Variants in CHD2 observed in about 807,000 individuals in gnomAD.
The protein encoded by CHD2 is chromodomain helicase DNA binding protein 2.
CHD2 carries 28 observed loss-of-function variants against 243.9 expected under a neutral mutation model. That is an observed-to-expected ratio of 0.11 (90% CI 0.09 to 0.16). The LOEUF (loss-of-function observed/expected upper bound fraction) is 0.16, where lower values mean the gene tolerates loss of function less well. Ranked by LOEUF, CHD2 falls within the 10% of genes least tolerant of loss-of-function variation. The pLI is 1.00. For missense variants in CHD2, 1,386 were observed against 2,209.8 expected, an observed-to-expected ratio of 0.63 and a Z score of 7.47; for synonymous variants, 775 against 779.0, an observed-to-expected ratio of 0.99 and a Z score of 0.09.
intron 9 of CHD2, chr15:92,943,996 T>C (rs1402057657): frequency 6.6e-6 from 1 of 152,312 alleles, no homozygotes; most frequent in Non-Finnish European, 1.5e-5. Flanking sequence ...ATCTGAAAGG[T>C]TTTGGTAATA....
chr15:92,911,928 G>A (rs1465888878), intron 2 of CHD2, among the ~76,000 whole-genome samples: 4 of 152,198 alleles, frequency 2.6e-5, no homozygotes, highest in Non-Finnish European at 4.4e-5. Context: ...ACATTCTGCT[G>A]TTCAAAAGGC....
intron 7 of CHD2, among the ~76,000 whole-genome samples, chr15:92,940,974 TAA>T (rs1354945796): frequency 2.0e-3 from 248 of 127,024 alleles, no homozygotes; most frequent in African/African-American, 4.9e-3. Flanking sequence ...AATATAAATA[TAA>T]ATATAAATAT....
chr15:93,006,599 G>A (rs2054325282), intron 34 of CHD2, among the ~76,000 whole-genome samples: 1 of 152,142 alleles, frequency 6.6e-6, no homozygotes, highest in Admixed American at 6.5e-5. Flanking sequence ...ACTCCTGTGA[G>A]GTACGTTAGT....
At chr15:92,974,732 C>T (rs577611959) in intron 19 of CHD2, 147 bp from the exon 20 acceptor site, 1 of 645,750 alleles carries the variant, frequency 1.5e-6, no homozygotes, top group African/African-American at 1.8e-5. Context: ...GCTTCTTAAG[C>T]ACAGCTTCTT....
intron 2 of CHD2, among the ~76,000 whole-genome samples, chr15:92,903,843 C>T (rs1165498020): frequency 1.3e-5 from 2 of 152,126 alleles, no homozygotes; most frequent in Non-Finnish European, 2.9e-5. Flanking sequence ...TGCCTTTGAG[C>T]CAGATTTATT....
Position 92,953,453 on chromosome 15 carries a change from T to C in CHD2, c.1599T>C (p.Tyr533=), listed in dbSNP as rs376525262. ...LSYLFHQHQL[Y]GPFLIVVPLS... is the part of the protein sequence containing the mutation. The stretch of plus-strand genomic sequence containing the variant: ...ACCTGTTCCACCAACACCAGCTGTA[T>C]GGCCCCTTTCTTATAGTCGTCCCTT... The change falls in exon 14 of 39, where the codon TAT becomes TAC. Residue 533 remains tyrosine (Y), a synonymous_variant. Transcript: ENST00000394196. The C allele has an allele frequency of 5.6e-6, 9 of 1,614,194 alleles. No homozygotes were observed. In the African/African-American group the frequency reaches 1.1e-4, roughly 19 times the overall value.
chr15:92,994,820 C>T (rs1307056250), intron 28 of CHD2, among the ~76,000 whole-genome samples: 1 of 152,182 alleles, frequency 6.6e-6, no homozygotes. Flanking sequence ...TCCCCAAAGT[C>T]TCCCTTTTTT....
In CHD2 at chr15:93,024,513, C is replaced by G. The variant is rs756416834; in HGVS notation, c.5295C>G (p.Phe1765Leu). 1 of 1,614,208 alleles carries G rather than the reference C, an allele frequency of 6.2e-7. No homozygotes were observed. Among genetic ancestry groups the G allele is most frequent in the Admixed American group, 1.7e-5 (1 of 60,018 alleles). Reference protein sequence around the residue: ...GQGPSDHYRSFHTDKLGEYKQ... With the variant: ...GQGPSDHYRSLHTDKLGEYKQ... ...GACCCTCAGACCATTACCGCTCTTT[C>G]CACACAGATAAACTGGGGGAATATA... is the stretch of plus-strand genomic sequence containing the variant. The change falls in exon 39 of 39, where the codon TTC becomes TTG. Residue 1765 changes from phenylalanine (F) to leucine (L), a missense_variant. Physicochemically the swap from Phe to Leu is conservative, Grantham distance 22. This residue lies in a region of CHD2 where 347 missense variants were observed against 341.6 expected (regional missense o/e 1.02). Transcript: ENST00000394196.
intron 26 of CHD2, among the ~76,000 whole-genome samples, chr15:92,989,088 A>G (rs540703900): frequency 2.0e-4 from 27 of 137,100 alleles, no homozygotes; most frequent in African/African-American, 6.6e-4. Context: ...CTGGAGTGCA[A>G]TGGCGCGATT....
At chr15:92,954,555 A>G (rs976818943) in intron 14 of CHD2, among the ~76,000 whole-genome samples, 5 of 152,220 alleles carry the variant, frequency 3.3e-5, no homozygotes, top group African/African-American at 1.2e-4. Context: ...CCTAATTTTG[A>G]GTTTCTAAGA....
chr15:92,918,084 C>G (rs1209707618), intron 2 of CHD2, among the ~76,000 whole-genome samples: 3 of 152,226 alleles, frequency 2.0e-5, no homozygotes, highest in Non-Finnish European at 4.4e-5. Context: ...CTCCCACAGG[C>G]TGGCTCCTTT....
chr15:93,012,638 G>A (rs1013012867), intron 36 of CHD2, among the ~76,000 whole-genome samples, 194 bp downstream of exon 36: 1 of 152,200 alleles, frequency 6.6e-6, no homozygotes, highest in Non-Finnish European at 1.5e-5. Flanking sequence ...TTCTGACAAA[G>A]AGTGTTTACC....
chr15:92,986,399 G>GT (rs1332794935), intron 26 of CHD2, among the ~76,000 whole-genome samples: 2 of 151,670 alleles, frequency 1.3e-5, no homozygotes, highest in Non-Finnish European at 2.9e-5. Flanking sequence ...TAAGTTTCAT[G>GT]TATTTGAAAC....
At position 92,942,883 on chromosome 15, in the gene CHD2, T is replaced by G. The variant is rs779057167; in HGVS notation, c.867T>G (p.Asn289Lys). ...ASTTVYAIEANGDPSGDFDTE... is the reference protein window; with the variant it reads ...ASTTVYAIEAKGDPSGDFDTE... ...CTACTGTATATGCGATTGAAGCTAATGGCGACCCTAGTGGTGACTTTGACA... is the reference window on the plus strand; with the variant it reads ...CTACTGTATATGCGATTGAAGCTAAGGGCGACCCTAGTGGTGACTTTGACA... The change falls in exon 9 of 39, where the codon AAT becomes AAG. Residue 289 changes from asparagine to lysine, a missense_variant. Around this residue, in one of 19 missense-constraint regions of CHD2, gnomAD observed 200 missense variants for 292.5 expected, o/e 0.68. Coordinates refer to ENST00000394196, the MANE Select transcript of CHD2 (RefSeq NM_001271.4). 1.9e-6 allele frequency: 3 copies of G among 1,613,838 alleles called. No individual in the cohort carries two copies. Among genetic ancestry groups the G allele is most frequent in the Non-Finnish European group, 2.5e-6 (3 of 1,179,894 alleles).
chr15:92,953,136 T>G (rs2053576018), intron 13 of CHD2, among the ~76,000 whole-genome samples: 1 of 152,206 alleles, frequency 6.6e-6, no homozygotes, highest in African/African-American at 2.4e-5. Flanking sequence ...GTAATCCAAG[T>G]CTAGGTAGGC....
At chr15:92,923,250 T>G (rs2052993325) in intron 2 of CHD2, among the ~76,000 whole-genome samples, 1 of 151,944 alleles carries the variant, frequency 6.6e-6, no homozygotes, top group Non-Finnish European at 1.5e-5. Context: ...TTGGGTGAGA[T>G]GCTTTGTTTT....
At chr15:92,904,761 T>G in intron 2 of CHD2, 1 of 1,402,594 alleles carries the variant, frequency 7.1e-7, no homozygotes, top group Non-Finnish European at 9.2e-7. Context: ...TTTTCATACC[T>G]TAGCGTCCCT....
chr15:93,025,674 AC>A lies in CHD2; in HGVS notation c.*971del, dbSNP rs2054581251. On this transcript the variant is annotated 3_prime_UTR_variant, in exon 39 of 39. Transcript: ENST00000394196. ...AGGGGATGCAGAGGCAGGCCTGCTG[AC>A]CAACTTGTTGCAATCACAAAGGTGG... 6.6e-6 allele frequency: 1 copy of A among 152,264 alleles called. No homozygotes were observed. The highest frequency in any genetic ancestry group is 2.4e-5 in the African/African-American group (1 of 41,442). The allele number at this position is 152,264 out of a possible 1,614,324, so 9.4% of individuals were successfully genotyped here.
In CHD2 at chr15:92,960,472, A is replaced by AAT. The variant is rs1375517408; in HGVS notation, c.2000+3825_2000+3826dup. Among the ~76,000 whole-genome samples the AAT allele has an allele frequency of 4.6e-5, 7 of 152,250 alleles. 1 individual carries two copies. Among genetic ancestry groups the AAT allele is most frequent in the Admixed American group, 1.3e-4 (2 of 15,286 alleles). On this transcript the variant is annotated intron_variant, in intron 16 of 38. Transcript: ENST00000394196. ...TTTTCTTCCTAGTTTGTGAGGTTTT[A>AAT]ATAAAGAATGGATATTAGGTTTTGT...
Sources: gnomAD v4.1 joint callset for allele counts (sites outside exome capture counted in the v4.1 genomes callset) on GRCh38, gnomAD v4.1.1 for gene constraint, gnomAD v4.1.1 regional missense constraint, MANE v1.5 for transcripts, NCBI Gene and HGNC (gene_info 2026-07-23, HGNC 2026-07-21) for gene names.